Variants in OGDH observed in about 807,000 individuals in gnomAD.
The protein encoded by OGDH is oxoglutarate dehydrogenase, also known as 2-oxoglutarate dehydrogenase complex component E1.
OGDH carries 38 observed loss-of-function variants against 116.6 expected under a neutral mutation model. The observed-to-expected ratio is 0.33, with a 90% CI of 0.25 to 0.43. The LOEUF (loss-of-function observed/expected upper bound fraction) is 0.43, where lower values mean the gene tolerates loss of function less well. Ranked by LOEUF, OGDH falls within the 20% of genes least tolerant of loss-of-function variation. The pLI, the probability that OGDH is intolerant of heterozygous loss-of-function variation, is 1.00. For missense variants in OGDH, 825 were observed against 1,357.2 expected (o/e 0.61, Z 6.16); for synonymous variants, 488 against 533.3 (o/e 0.92, Z 1.17).
chr7:44,665,200 T>C (rs757189711), intron 4 of OGDH, among the ~76,000 whole-genome samples: 12 of 151,584 alleles, frequency 7.9e-5, no homozygotes, highest in Non-Finnish European at 1.5e-4. Flanking sequence ...AAGTGGTTGC[T>C]GTGCCCTCAG....
At chr7:44,701,450 C>T (rs1788826586) in intron 19 of OGDH, 93 bp from the exon 20 acceptor site, 1 of 1,080,820 alleles carries the variant, frequency 9.3e-7, no homozygotes, top group East Asian at 2.4e-5. Context: ...GTTTCATGGC[C>T]TGAAGGTCAA....
intron 2 of OGDH, 36 bp downstream of exon 2, chr7:44,624,601 G>C (rs1284153359): frequency 5.7e-6 from 9 of 1,579,604 alleles, no homozygotes; most frequent in Non-Finnish European, 7.8e-6. Context: ...GCCTCATGTT[G>C]GTGTGTTGGC....
intron 10 of OGDH, among the ~76,000 whole-genome samples, chr7:44,684,133 G>A (rs758059804): frequency 6.6e-5 from 10 of 152,148 alleles, no homozygotes; most frequent in Non-Finnish European, 1.5e-4. Flanking sequence ...TCAGGAGAGA[G>A]GTCCTAGTGT....
In OGDH at chr7:44,699,856, C is replaced by T. The variant is rs79315769; in HGVS notation, c.2431-285C>T. ...ATGAAGTGGGAGAGCAGGCATGTCA[C>T]ATGGCCAGAGCAGGAGTAAGAGAGT... is the stretch of plus-strand genomic sequence containing the variant. On this transcript the variant is annotated intron_variant, in intron 18 of 22. Coordinates refer to ENST00000222673, the MANE Select transcript of OGDH (RefSeq NM_002541.4). Among the ~76,000 whole-genome samples the T allele has an allele frequency of 3.5e-3, 539 of 152,218 alleles. 1 individual carries two copies. The highest frequency in any genetic ancestry group is 5.2e-3 in the Non-Finnish European group (352 of 68,022).
rs547496543 is a variant in OGDH, at chr7:44,693,108, A to G, written c.1336-717A>G. On this transcript the variant is annotated intron_variant, in intron 10 of 22. Transcript: ENST00000222673. ...TGGATCACAAGGTCAGGAGTTCAAA[A>G]TCAGCCTGGCTAACATAGTGAAACC... 2.0e-5 allele frequency among the ~76,000 whole-genome samples: 3 copies of G among 152,296 alleles called. No homozygotes were observed. The South Asian group carries it at 6.2e-4, about 32-fold the overall frequency.
At chr7:44,689,186 C>T (rs1170262707) in intron 10 of OGDH, among the ~76,000 whole-genome samples, 2 of 149,950 alleles carry the variant, frequency 1.3e-5, no homozygotes, top group Non-Finnish European at 3.0e-5. Flanking sequence ...TTTACATTCC[C>T]ACTGGAAATA....
intron 1 of OGDH, among the ~76,000 whole-genome samples, chr7:44,621,832 C>T (rs941821849): frequency 1.3e-5 from 2 of 151,926 alleles, no homozygotes; most frequent in Non-Finnish European, 2.9e-5. Context: ...GATCACACCA[C>T]TGCACTCCAG....
intron 20 of OGDH, among the ~76,000 whole-genome samples, chr7:44,705,412 G>C (rs2116426891): frequency 6.6e-6 from 1 of 152,194 alleles, no homozygotes; most frequent in African/African-American, 2.4e-5. Flanking sequence ...CTGTGACTTT[G>C]GTGTCATATC....
intron 1 of OGDH, among the ~76,000 whole-genome samples, chr7:44,615,060 C>G (rs1330206317): frequency 6.6e-6 from 1 of 151,870 alleles, no homozygotes; most frequent in African/African-American, 2.4e-5. Context: ...GAATTCCTGA[C>G]CTCAAGTGAT....
At chr7:44,612,426 A>C (rs912900787) in intron 1 of OGDH, among the ~76,000 whole-genome samples, 2 of 151,758 alleles carry the variant, frequency 1.3e-5, no homozygotes, top group Admixed American at 1.3e-4. Context: ...TCTGTTGCCC[A>C]GGCTGGAGTG....
intron 2 of OGDH, among the ~76,000 whole-genome samples, chr7:44,634,752 G>A (rs529377722): frequency 2.6e-5 from 4 of 152,346 alleles, no homozygotes; most frequent in Admixed American, 2.0e-4. Flanking sequence ...AGGCAGAATG[G>A]TGGTAAGTGG....
Position 44,708,683 on chromosome 7 carries a change from G to C in OGDH, c.*684G>C, listed in dbSNP as rs974642172. 18 of 152,366 alleles carry C rather than the reference G, an allele frequency of 1.2e-4. No individual in the cohort carries two copies. Among genetic ancestry groups the C allele is most frequent in the African/African-American group, 3.6e-4 (15 of 41,544 alleles). The allele number at this position is 152,366 out of a possible 1,614,324, so 9.4% of individuals were successfully genotyped here. A position where few individuals can be genotyped will look rare whatever the true frequency, so the allele number is the denominator to read the frequency against. ...CTCCTGGGCCCAGGCAGCACCTGGAGCCCACAGAGTCTGTGTGTAGCCAGG... is the reference window on the plus strand; with the variant it reads ...CTCCTGGGCCCAGGCAGCACCTGGACCCCACAGAGTCTGTGTGTAGCCAGG... On this transcript the variant is annotated 3_prime_UTR_variant, in exon 23 of 23. Transcript: ENST00000222673.
chr7:44,638,492 G>T (rs76313959), intron 2 of OGDH, among the ~76,000 whole-genome samples: 2 of 152,162 alleles, frequency 1.3e-5, no homozygotes, highest in African/African-American at 4.8e-5. Flanking sequence ...CCATTACTGT[G>T]CTTTCTCCTT....
At chr7:44,685,298 A>T (rs1219969406) in intron 10 of OGDH, among the ~76,000 whole-genome samples, 2 of 152,134 alleles carry the variant, frequency 1.3e-5, no homozygotes, top group Non-Finnish European at 2.9e-5. Context: ...GCCCCTGGCA[A>T]CTATCCACTC....
At position 44,701,554 on chromosome 7, in the gene OGDH, C is replaced by G. The variant is rs1175463639; in HGVS notation, c.2571C>G (p.Phe857Leu). The G allele has an allele frequency of 6.2e-7, 1 of 1,614,080 alleles. No homozygotes were observed. The highest frequency in any genetic ancestry group is 1.7e-5 in the Admixed American group (1 of 60,006). The change falls in exon 20 of 23, where the codon TTC becomes TTG. Residue 857 changes from phenylalanine to leucine, a missense_variant. By Grantham distance (22) the Phe-to-Leu change is conservative. Around this residue, in one of 7 missense-constraint regions of OGDH, gnomAD observed 212 missense variants for 284.3 expected, o/e 0.75. Coordinates refer to ENST00000222673, the MANE Select transcript of OGDH (RefSeq NM_002541.4). ...GTTCTGTATTTCAGTTAATTATCTT[C>G]ACCCCCAAATCCCTGTTGCGCCACC... is the stretch of plus-strand genomic sequence containing the variant. ...LLPFRKPLII[F>L]TPKSLLRHPE... is the part of the protein sequence containing the mutation.
intron 2 of OGDH, among the ~76,000 whole-genome samples, chr7:44,635,160 G>C (rs1044998609): frequency 1.3e-5 from 2 of 152,174 alleles, no homozygotes; most frequent in Non-Finnish European, 2.9e-5. Flanking sequence ...CAGCAGCGCC[G>C]GCTGAACTCC....
chr7:44,622,110 TG>T (rs1406628530), intron 1 of OGDH, among the ~76,000 whole-genome samples: 2 of 152,156 alleles, frequency 1.3e-5, no homozygotes, highest in Non-Finnish European at 2.9e-5. Flanking sequence ...TATTGTTTTC[TG>T]GGAGAAAACC....
chr7:44,699,491 G>T (rs1328885054), intron 18 of OGDH, among the ~76,000 whole-genome samples: 3 of 151,400 alleles, frequency 2.0e-5, no homozygotes, highest in Non-Finnish European at 4.4e-5. Context: ...AGGAAAATTG[G>T]TTTTAGGTAG....
At chr7:44,611,291 C>T (rs1190422917) in intron 1 of OGDH, among the ~76,000 whole-genome samples, 5 of 151,262 alleles carry the variant, frequency 3.3e-5, no homozygotes, top group Admixed American at 2.6e-4. Context: ...GACGGAGTCT[C>T]GCTCTGTCGC....
Sources: gnomAD v4.1 joint callset for allele counts (sites outside exome capture counted in the v4.1 genomes callset) on GRCh38, gnomAD v4.1.1 for gene constraint, gnomAD v4.1.1 regional missense constraint, MANE v1.5 for transcripts, NCBI Gene and HGNC (gene_info 2026-07-23, HGNC 2026-07-21) for gene names.